Variants in CNOT6 observed in about 807,000 individuals in gnomAD.
CNOT6 encodes the protein carbon catabolite repression 4 protein.
A neutral mutation model predicts 61.2 loss-of-function variants in CNOT6; 12 were observed. The ratio of observed to expected loss-of-function variants is 0.20; its 90% CI spans 0.13 to 0.32. CNOT6 has a LOEUF of 0.32. CNOT6 is among the 10% of genes least tolerant of loss of function. CNOT6 has a pLI of 1.00. For synonymous variants in CNOT6, 225 were observed against 240.6 expected, an observed-to-expected ratio of 0.94 and a Z score of 0.60; for missense variants, 405 against 663.9, an observed-to-expected ratio of 0.61 and a Z score of 4.28.
chr5:180,536,577 G>A (rs1758711855), intron 2 of CNOT6, among the ~76,000 whole-genome samples: 1 of 152,030 alleles, frequency 6.6e-6, no homozygotes, highest in African/African-American at 2.4e-5. Flanking sequence ...TGAGTAGCTG[G>A]GACTACAGGT....
intron 6 of CNOT6, among the ~76,000 whole-genome samples, chr5:180,565,200 T>G (rs143765519): frequency 6.6e-6 from 1 of 152,322 alleles, no homozygotes; most frequent in Non-Finnish European, 1.5e-5. Flanking sequence ...ACACCCAAAT[T>G]TTTCTCTATG....
At chr5:180,553,066 C>T (rs115156074) in intron 3 of CNOT6, among the ~76,000 whole-genome samples, 3,080 of 152,258 alleles carry the variant, frequency 0.02, 103 homozygotes, top group African/African-American at 0.069. Context: ...TGCAAACTGT[C>T]TTGCCAGTCT....
intron 2 of CNOT6, among the ~76,000 whole-genome samples, chr5:180,530,934 C>T (rs1418567192): frequency 6.6e-6 from 1 of 152,240 alleles, no homozygotes; most frequent in Non-Finnish European, 1.5e-5. Context: ...TTTCTTAGTA[C>T]AGAACAAAAT....
intron 11 of CNOT6, among the ~76,000 whole-genome samples, chr5:180,573,642 A>T (rs908946395): frequency 1.3e-5 from 2 of 149,528 alleles, no homozygotes; most frequent in Non-Finnish European, 3.0e-5. Context: ...AGAACTTGGT[A>T]CCTATAGGTC....
intron 4 of CNOT6, among the ~76,000 whole-genome samples, chr5:180,555,099 C>G (rs905573665): frequency 2.6e-4 from 39 of 151,968 alleles, no homozygotes; most frequent in African/African-American, 8.7e-4. Context: ...CTCCTTCTCC[C>G]TGGTTGAAGC....
chr5:180,533,861 T>C (rs1347134582), intron 2 of CNOT6, among the ~76,000 whole-genome samples: 2 of 152,124 alleles, frequency 1.3e-5, no homozygotes, highest in Admixed American at 1.3e-4. Flanking sequence ...TTATTTGGAG[T>C]GGGTCACCAC....
intron 4 of CNOT6, among the ~76,000 whole-genome samples, chr5:180,557,737 T>C (rs1346124513): frequency 1.3e-5 from 2 of 152,230 alleles, no homozygotes; most frequent in African/African-American, 4.8e-5. Flanking sequence ...CTTCTGTGGA[T>C]CCTGATTCTT....
chr5:180,567,044 A>C, intron 7 of CNOT6, 44 bp from the exon 8 acceptor site: 1 of 1,548,512 alleles, frequency 6.5e-7, no homozygotes, highest in Non-Finnish European at 8.7e-7. Context: ...TATGCAGACT[A>C]ATTTTTGTCT....
chr5:180,510,350 TAGAA>T (rs1757335568), intron 1 of CNOT6, among the ~76,000 whole-genome samples: 1 of 151,894 alleles, frequency 6.6e-6, no homozygotes, highest in African/African-American at 2.4e-5. Context: ...GAAACCTGAC[TAGAA>T]AGAGAAACAA....
rs59342527 is a variant in CNOT6 at position 180,538,686 on chromosome 5, G to GTATATA, written c.112+9323_112+9328dup. ...GAGCGAGACTCTGTCTGAGAAAAAG[G>GTATATA]TATATATATATATATATATATATAT... On this transcript the variant is annotated intron_variant, in intron 2 of 11. Transcript: ENST00000261951. Among the ~76,000 whole-genome samples, 308 of 85,090 alleles carry GTATATA rather than the reference G, an allele frequency of 3.6e-3. 1 individual carries two copies. The highest frequency in any genetic ancestry group is 6.9e-3 in the African/African-American group (206 of 30,020). The allele number at this position is 85,090 out of a possible 152,430, so 55.8% of individuals were successfully genotyped here.
chr5:180,571,240 A>G lies in CNOT6; in HGVS notation c.1269A>G (p.Glu423=), dbSNP rs1410963210. 28 of 1,613,170 alleles carry G rather than the reference A, an allele frequency of 1.7e-5. No homozygotes were observed. Among genetic ancestry groups the G allele is most frequent in the Non-Finnish European group, 2.0e-5 (24 of 1,179,292 alleles). The part of the protein sequence containing the change: ...LNSLPDSGVV[E]YLSTGGVETN... ...TTGTCTTCATTGTAGGTGTTGTAGA[A>G]TATTTGAGCACAGGTGGAGTAGAAA... is the stretch of plus-strand genomic sequence containing the variant. Residue 423 remains glutamate (E), a synonymous_variant, in exon 11 of 12, where the codon GAA becomes GAG. Coordinates refer to ENST00000261951, the MANE Select transcript of CNOT6 (RefSeq NM_001370472.1).
intron 11 of CNOT6, among the ~76,000 whole-genome samples, chr5:180,572,758 A>G (rs888699921): frequency 2.0e-5 from 3 of 149,212 alleles, no homozygotes; most frequent in African/African-American, 7.4e-5. Flanking sequence ...GTTTTGCTAT[A>G]TTGCCCAGCC....
At chr5:180,495,866 C>G (rs1756588489) in intron 1 of CNOT6, 1 of 152,116 alleles carries the variant, frequency 6.6e-6, no homozygotes, top group Admixed American at 6.6e-5. Context: ...GGTTTAAAGG[C>G]TTTTTTGGGG....
intron 1 of CNOT6, among the ~76,000 whole-genome samples, chr5:180,512,701 A>G (rs1219358301): frequency 2.6e-5 from 4 of 151,336 alleles, no homozygotes; most frequent in East Asian, 1.9e-4. Context: ...GGTTCAAGCA[A>G]TTCTCCTGCC....
chr5:180,553,478 C>G lies in CNOT6; in HGVS notation c.385+7C>G. ...CAGACTTTAGGCCTGAAAGGTATGA[C>G]TTCCATATTTGTACTTCTTATGGTT... On this transcript the variant is annotated splice_region_variant and intron_variant, in intron 4 of 11. Transcript: ENST00000261951. The G allele has an allele frequency of 6.2e-7, 1 of 1,604,118 alleles. No homozygotes were observed. Among genetic ancestry groups the G allele is most frequent in the Non-Finnish European group, 8.5e-7 (1 of 1,171,380 alleles).
At chr5:180,515,011 G>T (rs573514737) in intron 1 of CNOT6, among the ~76,000 whole-genome samples, 1 of 152,262 alleles carries the variant, frequency 6.6e-6, no homozygotes, top group African/African-American at 2.4e-5. Context: ...ACTTGTTTCC[G>T]TGTTGAGGAG....
At chr5:180,516,977 TC>T (rs1186199776) in intron 1 of CNOT6, among the ~76,000 whole-genome samples, 2 of 152,234 alleles carry the variant, frequency 1.3e-5, no homozygotes, top group Non-Finnish European at 1.5e-5. Flanking sequence ...ATCTGGTTCT[TC>T]CTCCATAGTA....
intron 4 of CNOT6, among the ~76,000 whole-genome samples, chr5:180,561,768 C>T (rs541694483): frequency 1.3e-5 from 2 of 152,296 alleles, no homozygotes; most frequent in East Asian, 3.9e-4. Context: ...CTTCACGCGG[C>T]CTCCACAGGC....
At position 180,574,070 on chromosome 5, in the gene CNOT6, T is replaced by C. The variant is rs763342907; in HGVS notation, c.1544T>C (p.Val515Ala). Residue 515 changes from valine to alanine, a missense_variant, in exon 12 of 12, where the codon GTT (valine) becomes GCT (alanine). Physicochemically the swap from Val to Ala is moderately conservative, Grantham distance 64 (BLOSUM62 0). Transcript: ENST00000261951. ...GGCCCTCTGGACCACCACTGGCTGG[T>C]TGAGAATAACATCAGTGGCTGCCCG... ...ILGPLDHHWL[V>A]ENNISGCPHP... 24 of 1,613,882 alleles carry C rather than the reference T, an allele frequency of 1.5e-5. No homozygotes were observed. The African/African-American group carries it at 2.9e-4, about 20-fold the overall frequency.
Sources: allele counts gnomAD v4.1 joint callset (sites outside exome capture counted in the v4.1 genomes callset), GRCh38; gene constraint gnomAD v4.1.1; transcripts MANE v1.5; gene names NCBI Gene and HGNC (gene_info 2026-07-23, HGNC 2026-07-21).